Variants in WDR31 observed in about 807,000 individuals in gnomAD.
WDR31 encodes WD repeat domain 31.
In WDR31, 30 loss-of-function variants were observed where a neutral mutation model predicts 47.3. That is an observed-to-expected ratio of 0.63 (90% CI 0.47 to 0.86). WDR31 has a LOEUF of 0.86. Among genes scored for constraint, WDR31 ranks in the 40% least tolerant of loss-of-function variants. The pLI is 0.00. For synonymous variants in WDR31, 137 were observed against 159.4 expected (o/e 0.86, Z 1.06); for missense variants, 406 against 442.9 (o/e 0.92, Z 0.75).
Position 113,323,024 on chromosome 9 carries a change from C to T in WDR31, c.456G>A (p.Leu152=). 1 of 1,614,112 alleles carries T rather than the reference C, an allele frequency of 6.2e-7. No individual in the cohort carries two copies. Among genetic ancestry groups the T allele is most frequent in the Non-Finnish European group, 8.5e-7 (1 of 1,180,008 alleles). The change falls in exon 6 of 11, where the codon TTG becomes TTA. Residue 152 remains leucine (L), a synonymous_variant. Transcript: ENST00000374193. ...GCTTTGTTTTACCTGGACTCACAGC[C>T]AATCCGGTGACCACCATGGCATGGC... ...LCGHAMVVTG[L]AVSPDSSQLC... is the part of the protein sequence containing the mutation.
rs1833197234 is a variant in WDR31, at chr9:113,316,343, A to G, written c.*406T>C. 1 of 161,928 alleles carries G rather than the reference A, an allele frequency of 6.2e-6. No individual in the cohort carries two copies. The highest frequency in any genetic ancestry group is 2.4e-5 in the African/African-American group (1 of 41,638). 10.0% of individuals were successfully genotyped at this position (161,928 alleles called of 1,614,324 possible). On this transcript the variant is annotated 3_prime_UTR_variant, in exon 11 of 11. Transcript: ENST00000374193. ...TGTAACCAAAACACTCTCTCTCCCC[A>G]CTGCCTTTTTTCTTTTGTAAAGACT...
Position 113,316,539 on chromosome 9 carries a change from T to TATTTAGTCC in WDR31, c.*209_*210insGGACTAAAT, listed in dbSNP as rs1267596561. ...TGTATTTAACTTAAATAGAGAACCT[T>TATTTAGTCC]ATGTGTAGTCCATGTTTCTGGACTC... On this transcript the variant is annotated 3_prime_UTR_variant, in exon 11 of 11. Transcript: ENST00000374193. 3.7e-6 allele frequency: 2 copies of TATTTAGTCC among 533,820 alleles called. No individual in the cohort carries two copies. Among genetic ancestry groups the TATTTAGTCC allele is most frequent in the Non-Finnish European group, 6.4e-6 (2 of 311,470 alleles). 33.1% of individuals were successfully genotyped at this position (533,820 alleles called of 1,614,324 possible). A position where few individuals can be genotyped will look rare whatever the true frequency, so the allele number is the denominator to read the frequency against.
chr9:113,320,652 T>C (rs1348776776), intron 8 of WDR31, among the ~76,000 whole-genome samples, 154 bp from the exon 9 acceptor site: 1 of 152,228 alleles, frequency 6.6e-6, no homozygotes, highest in Non-Finnish European at 1.5e-5. Context: ...ATGAACCAGA[T>C]CAATCTCTGA....
intron 5 of WDR31, among the ~76,000 whole-genome samples, chr9:113,324,538 C>T (rs6478002): frequency 0.55 from 83,083 of 151,474 alleles, 23,240 homozygotes; most frequent in South Asian, 0.64. Context: ...TATAAGTGTG[C>T]GCCACCATAC....
chr9:113,330,562 A>G (rs1039255698), intron 4 of WDR31, among the ~76,000 whole-genome samples: 1 of 152,160 alleles, frequency 6.6e-6, no homozygotes, highest in African/African-American at 2.4e-5. Context: ...CAGTGTAGAG[A>G]GCATAAAAGA....
At position 113,339,136 on chromosome 9, in the gene WDR31, A is replaced by C. The variant is rs1426100668; in HGVS notation, c.-182+1081T>G. ...GGTCTGAATCCCATCACTTCTTTCT[A>C]TTCCAATCTGCTTTCCAAAGGCCTT... On this transcript the variant is annotated intron_variant, in intron 1 of 10. Coordinates refer to ENST00000374193, the MANE Select transcript of WDR31 (RefSeq NM_001012361.4). Among the ~76,000 whole-genome samples, 5 of 152,222 alleles carry C rather than the reference A, an allele frequency of 3.3e-5. No individual in the cohort carries two copies. In the East Asian group the frequency reaches 9.7e-4, roughly 29 times the overall value.
rs182437359 is a variant in WDR31, at chr9:113,337,685, C to G, written c.-181-1245G>C. 8.1e-4 allele frequency among the ~76,000 whole-genome samples: 124 copies of G among 152,164 alleles called. 1 individual carries two copies. The highest frequency in any genetic ancestry group is 3.0e-3 in the African/African-American group (123 of 41,512). On this transcript the variant is annotated intron_variant, in intron 1 of 10. Coordinates refer to ENST00000374193, the MANE Select transcript of WDR31 (RefSeq NM_001012361.4). ...TTCACCATGTTGGCCAGGCTGGTCT[C>G]AAACTCCTGACTTCAAGTGATCTGT...
At chr9:113,339,810 G>A (rs1833792048) in intron 1 of WDR31, among the ~76,000 whole-genome samples, 1 of 152,146 alleles carries the variant, frequency 6.6e-6, no homozygotes, top group African/African-American at 2.4e-5. Flanking sequence ...GCGCGATCTC[G>A]GCTCACTGCA....
At chr9:113,326,113 G>T (rs1482157203) in intron 5 of WDR31, among the ~76,000 whole-genome samples, 2 of 152,168 alleles carry the variant, frequency 1.3e-5, no homozygotes, top group Non-Finnish European at 2.9e-5. Flanking sequence ...GTTTCTCCAT[G>T]TTGGTCAGGC....
At chr9:113,331,457 T>C (rs774159167) in intron 3 of WDR31, among the ~76,000 whole-genome samples, 6 of 152,162 alleles carry the variant, frequency 3.9e-5, no homozygotes, top group Non-Finnish European at 7.4e-5. Context: ...CTTGACTGTT[T>C]CTTTCTTTTG....
chr9:113,318,403 G>A, intron 10 of WDR31, 72 bp downstream of exon 10: 1 of 1,576,302 alleles, frequency 6.3e-7, no homozygotes, highest in Non-Finnish European at 8.7e-7. Context: ...TGAGCAATGG[G>A]AAGAAGGAGT....
intron 5 of WDR31, 80 bp from the exon 6 acceptor site, chr9:113,323,235 G>A: frequency 6.6e-7 from 1 of 1,505,786 alleles, no homozygotes; most frequent in Non-Finnish European, 9.0e-7. Context: ...GGAAAGATGA[G>A]TCTGCATAAC....
intron 5 of WDR31, among the ~76,000 whole-genome samples, chr9:113,323,670 A>G (rs1442751308): frequency 6.6e-6 from 1 of 152,182 alleles, no homozygotes; most frequent in Non-Finnish European, 1.5e-5. Context: ...CCTTTCCTTT[A>G]TGTAGCAGAT....
At chr9:113,328,353 A>G (rs1270796541) in intron 5 of WDR31, among the ~76,000 whole-genome samples, 2 of 152,186 alleles carry the variant, frequency 1.3e-5, no homozygotes, top group South Asian at 2.1e-4. Flanking sequence ...TGAAGTGTGT[A>G]TCTTAATTTT....
chr9:113,323,322 T>C (rs7041572), intron 5 of WDR31, among the ~76,000 whole-genome samples, 167 bp from the exon 6 acceptor site: 83,272 of 151,762 alleles, frequency 0.55, 23,298 homozygotes, highest in South Asian at 0.64. Context: ...AGGGCAGTGG[T>C]GTGATCTCAG....
intron 1 of WDR31, among the ~76,000 whole-genome samples, chr9:113,339,986 C>T (rs1015541859): frequency 5.3e-5 from 8 of 152,190 alleles, no homozygotes; most frequent in Non-Finnish European, 1.2e-4. Flanking sequence ...CCACCCGCCT[C>T]GGCCTCCCAC....
chr9:113,328,899 A>G lies in WDR31; in HGVS notation c.306T>C (p.His102=). ...AAATTACCTTGGTGATCTCATGTTC[A>G]TGTCCTTTGAACCTTTTCACCACAT... ...TGNVVKRFKG[H]EHEITKVACI... is the part of the protein sequence containing the mutation. Residue 102 remains histidine (H), a synonymous_variant, in exon 5 of 11, where the codon CAT becomes CAC. Coordinates refer to ENST00000374193, the MANE Select transcript of WDR31 (RefSeq NM_001012361.4). 6.2e-7 allele frequency: 1 copy of G among 1,614,018 alleles called. No individual in the cohort carries two copies.
chr9:113,331,873 T>C, intron 3 of WDR31, 34 bp downstream of exon 3: 1 of 1,602,492 alleles, frequency 6.2e-7, no homozygotes, highest in Non-Finnish European at 8.5e-7. Context: ...TGGGGCATGA[T>C]AAAACCTGGG....
intron 2 of WDR31, among the ~76,000 whole-genome samples, chr9:113,335,286 G>T (rs1414767464): frequency 6.6e-6 from 1 of 152,092 alleles, no homozygotes; most frequent in East Asian, 1.9e-4. Flanking sequence ...GAAACCTGAA[G>T]ATGTGACCAG....
Sources: gnomAD v4.1 joint callset for allele counts (sites outside exome capture counted in the v4.1 genomes callset) on GRCh38, gnomAD v4.1.1 for gene constraint, MANE v1.5 for transcripts, NCBI Gene and HGNC (gene_info 2026-07-23, HGNC 2026-07-21) for gene names.